ADCY10: variants seen among roughly 807,000 people sequenced by gnomAD.
ADCY10 encodes the protein adenylate cyclase 10.
In ADCY10, 156 loss-of-function variants were observed where a neutral mutation model predicts 183.3. The observed-to-expected ratio is 0.85, with a 90% CI of 0.75 to 0.97. The LOEUF (loss-of-function observed/expected upper bound fraction) is 0.97. Ranked by LOEUF, ADCY10 falls within the 50% of genes least tolerant of loss-of-function variation. ADCY10 has a pLI of 0.00. For missense variants in ADCY10, 1,745 were observed against 1,934.3 expected, an observed-to-expected ratio of 0.90 and a Z score of 1.84; for synonymous variants, 645 against 670.0, an observed-to-expected ratio of 0.96 and a Z score of 0.58.
At chr1:167,843,396 A>G (rs547553479) in intron 21 of ADCY10, among the ~76,000 whole-genome samples, 12 of 152,236 alleles carry the variant, frequency 7.9e-5, no homozygotes, top group African/African-American at 2.9e-4. Flanking sequence ...GACCCCGCAC[A>G]GTCAAATATT....
chr1:167,859,990 T>C, intron 15 of ADCY10, 97 bp from the exon 16 acceptor site: 1 of 940,184 alleles, frequency 1.1e-6, no homozygotes, highest in South Asian at 1.3e-5. Context: ...ATTCTGTGTC[T>C]TAAAATCCTC....
At chr1:167,884,903 A>G (rs1015919101) in intron 8 of ADCY10, among the ~76,000 whole-genome samples, 7 of 151,962 alleles carry the variant, frequency 4.6e-5, no homozygotes, top group African/African-American at 1.4e-4. Context: ...TCACTGTGTT[A>G]GTCAGACTGG....
chr1:167,845,561 A>C lies in ADCY10; in HGVS notation c.3007+2T>G. ...GGATAATTTTAAAATGAAGTAGGTT[A>C]CTTTTAAATCCATGAGACATAGCCA... On this transcript the variant is annotated splice_donor_variant, in intron 21 of 32. Transcript: ENST00000367851. LOFTEE classifies it high-confidence loss of function. 6.2e-7 allele frequency: 1 copy of C among 1,613,726 alleles called. No individual in the cohort carries two copies. The highest frequency in any genetic ancestry group is 8.5e-7 in the Non-Finnish European group (1 of 1,179,602).
At position 167,888,610 on chromosome 1, in the gene ADCY10, C is replaced by G. The variant is rs372606506; in HGVS notation, c.829-4982G>C. 8.2e-4 allele frequency among the ~76,000 whole-genome samples: 125 copies of G among 152,224 alleles called. 1 individual carries two copies. In the South Asian group the frequency reaches 0.023, roughly 29 times the overall value. On this transcript the variant is annotated intron_variant, in intron 8 of 32. Transcript: ENST00000367851. ...CTGATTTTTGGGCCGGGCGCGGTGGCTCACGCCTGTAATCCCAGCACTTTG... is the reference window on the plus strand; with the variant it reads ...CTGATTTTTGGGCCGGGCGCGGTGGGTCACGCCTGTAATCCCAGCACTTTG...
chr1:167,844,400 T>C (rs1664856712), intron 21 of ADCY10, among the ~76,000 whole-genome samples: 1 of 152,232 alleles, frequency 6.6e-6, no homozygotes, highest in South Asian at 2.1e-4. Flanking sequence ...TGTGCAAAGC[T>C]GCAACTTTCT....
chr1:167,870,204 A>T, intron 14 of ADCY10, 53 bp downstream of exon 14: 1 of 1,606,270 alleles, frequency 6.2e-7, no homozygotes, highest in Non-Finnish European at 8.5e-7. Context: ...GGAGCATCAA[A>T]ATAAATCAGG....
chr1:167,886,272 G>A (rs923498545), intron 8 of ADCY10, among the ~76,000 whole-genome samples: 3 of 152,224 alleles, frequency 2.0e-5, no homozygotes, highest in South Asian at 4.2e-4. Flanking sequence ...AAAGCTGGAG[G>A]CATCATGCTA....
intron 3 of ADCY10, 92 bp downstream of exon 3, chr1:167,903,795 A>AGCAATTGTACTCTATCAGGTT: frequency 1.1e-6 from 1 of 910,468 alleles, no homozygotes; most frequent in Non-Finnish European, 1.8e-6. Flanking sequence ...AGGAGTGCTA[A>AGCAATTGTACTCTATCAGGTT]GCAATTGTAC....
At chr1:167,899,298 G>C (rs553358677) in intron 6 of ADCY10, 125 bp downstream of exon 6, 1 of 951,302 alleles carries the variant, frequency 1.1e-6, no homozygotes, top group Non-Finnish European at 1.7e-6. Flanking sequence ...GCCTAACCCA[G>C]ACTGACCCCA....
intron 16 of ADCY10, among the ~76,000 whole-genome samples, chr1:167,857,103 CA>C (rs758412523): frequency 4.6e-5 from 7 of 152,210 alleles, no homozygotes; most frequent in Non-Finnish European, 1.0e-4. Context: ...CAGTCTCAAA[CA>C]AAATACGGAG....
In ADCY10 at chr1:167,896,667, T is replaced by TG. The variant is rs35604923; in HGVS notation, c.666dup (p.Asn223GlnfsTer3). On this transcript the variant is annotated frameshift_variant, in exon 7 of 33. Transcript: ENST00000367851. LOFTEE classifies it high-confidence loss of function. ...GTGAAAAATTCATCAAAATTAAAAT[T>TG]GGGGGGTGGTTTTAAGAAGTTAACC... 1 of 1,612,762 alleles carries TG rather than the reference T, an allele frequency of 6.2e-7. No homozygotes were observed. Among genetic ancestry groups the TG allele is most frequent in the Non-Finnish European group, 8.5e-7 (1 of 1,178,876 alleles).
intron 22 of ADCY10, 77 bp from the exon 23 acceptor site, chr1:167,836,617 C>T (rs892404872): frequency 3.5e-5 from 37 of 1,044,878 alleles, no homozygotes; most frequent in African/African-American, 3.5e-4. Context: ...AGGCCAGACG[C>T]GGTGGCTCAC....
chr1:167,836,198 G>C, intron 23 of ADCY10, 111 bp downstream of exon 23: 1 of 754,874 alleles, frequency 1.3e-6, no homozygotes, highest in Non-Finnish European at 2.4e-6. Flanking sequence ...AAGGGGTGCT[G>C]TCGGGAATAT....
intron 5 of ADCY10, 111 bp downstream of exon 5, chr1:167,901,551 C>T: frequency 8.8e-7 from 1 of 1,134,946 alleles, no homozygotes; most frequent in Non-Finnish European, 1.3e-6. Flanking sequence ...TTCAGGGCAT[C>T]ATGGGGCTGA....
Position 167,859,862 on chromosome 1 carries a change from C to T in ADCY10, c.1841G>A (p.Ser614Asn). 1 of 1,613,160 alleles carries T rather than the reference C, an allele frequency of 6.2e-7. No homozygotes were observed. Among genetic ancestry groups the T allele is most frequent in the Non-Finnish European group, 8.5e-7 (1 of 1,179,196 alleles). Residue 614 changes from serine to asparagine, a missense_variant, in exon 16 of 33, where the codon AGC becomes AAC. Ser to Asn is a conservative substitution (Grantham distance 46). Coordinates refer to ENST00000367851, the MANE Select transcript of ADCY10 (RefSeq NM_018417.6). ...FPISREISRMSTLKKQKQLEI... is the reference protein window; with the variant it reads ...FPISREISRMNTLKKQKQLEI... ...CAATTGTTTTTGCTTTTTCAAGGTG[C>T]TCATCCTGGAAATCTCCCGAGAAAT... is the stretch of plus-strand genomic sequence containing the variant.
In ADCY10 at chr1:167,848,396, C is replaced by G. The variant is rs1443479630; in HGVS notation, c.2402G>C (p.Arg801Thr). The G allele has an allele frequency of 3.1e-6, 5 of 1,613,872 alleles. No individual in the cohort carries two copies. Among genetic ancestry groups the G allele is most frequent in the Admixed American group, 1.7e-5 (1 of 59,996 alleles). The change falls in exon 19 of 33, where the codon AGA becomes ACA. Residue 801 changes from arginine to threonine, a missense_variant. By Grantham distance (71) the Arg-to-Thr change is moderately conservative. Transcript: ENST00000367851. ...EEVCHLTSGV[R>T]LKNLSPPTSL... is the part of the protein sequence containing the mutation. The stretch of plus-strand genomic sequence containing the variant: ...CGTTGGAGGTGACAGGTTTTTCAGT[C>G]TGACACCACTTGTGAGGTGACAGAC...
At chr1:167,911,278 T>G (rs954527860) in intron 1 of ADCY10, among the ~76,000 whole-genome samples, 3 of 152,216 alleles carry the variant, frequency 2.0e-5, no homozygotes, top group African/African-American at 4.8e-5. Context: ...AAATAGTAAC[T>G]TATCTTAAAA....
At position 167,846,190 on chromosome 1, in the gene ADCY10, G is replaced by A; in HGVS notation, c.2511C>T (p.Gly837=). 6.2e-7 allele frequency: 1 copy of A among 1,614,208 alleles called. No homozygotes were observed. The highest frequency in any genetic ancestry group is 1.7e-5 in the Admixed American group (1 of 60,024). The change falls in exon 20 of 33, where the codon GGC becomes GGT. Residue 837 remains glycine (G), a synonymous_variant. Transcript: ENST00000367851. ...QMLVRCAAII[G]LTFTTELLFE... ...ACAACAACTCAGTGGTGAAGGTCAG[G>A]CCAATGATGGCAGCACATCTCACCA...
chr1:167,887,778 TA>T (rs113188203), intron 8 of ADCY10, among the ~76,000 whole-genome samples: 96 of 143,730 alleles, frequency 6.7e-4, no homozygotes, highest in South Asian at 2.6e-3. Context: ...AAAATAATTC[TA>T]AAAAAAAAAA....
Sources: allele counts gnomAD v4.1 joint callset (sites outside exome capture counted in the v4.1 genomes callset), GRCh38; gene constraint gnomAD v4.1.1; transcripts MANE v1.5; gene names NCBI Gene and HGNC (gene_info 2026-07-23, HGNC 2026-07-21).